Variants in ST6GALNAC3 observed in about 807,000 individuals in gnomAD.
ST6GALNAC3 encodes the protein ST6 N-acetylgalactosaminide alpha-2,6-sialyltransferase 3, also known as alpha-N-acetylgalactosaminide alpha-2,6-sialyltransferase 3.
Under a neutral mutation model 32.7 loss-of-function variants are expected in ST6GALNAC3, and 25 were observed. That is an observed-to-expected ratio of 0.76 (90% confidence interval 0.56 to 1.07). ST6GALNAC3 has a LOEUF of 1.07. Among genes scored for constraint, ST6GALNAC3 ranks in the 50% least tolerant of loss-of-function variants. The probability of loss-of-function intolerance (pLI) is 0.00; values close to 1 mark genes in which losing one functional copy is unlikely to be tolerated. For synonymous variants in ST6GALNAC3, 129 were observed against 133.1 expected, an observed-to-expected ratio of 0.97 and a Z score of 0.21; for missense variants, 355 against 382.4, an observed-to-expected ratio of 0.93 and a Z score of 0.60.
At chr1:76,519,582 G>A (rs1662384103) in intron 3 of ST6GALNAC3, among the ~76,000 whole-genome samples, 1 of 152,046 alleles carries the variant, frequency 6.6e-6, no homozygotes, top group Non-Finnish European at 1.5e-5. Flanking sequence ...AGTGATTAGT[G>A]CAGCTCTACA....
At chr1:76,346,443 G>A (rs538314987) in intron 2 of ST6GALNAC3, among the ~76,000 whole-genome samples, 3 of 152,306 alleles carry the variant, frequency 2.0e-5, no homozygotes, top group African/African-American at 7.2e-5. Flanking sequence ...ATGCCTTTCT[G>A]TGCTCAGTCA....
chr1:76,382,163 T>A (rs1651759846), intron 2 of ST6GALNAC3, among the ~76,000 whole-genome samples: 1 of 152,084 alleles, frequency 6.6e-6, no homozygotes, highest in Non-Finnish European at 1.5e-5. Flanking sequence ...AAAAGTGGAA[T>A]CCTCTATGTA....
intron 1 of ST6GALNAC3, among the ~76,000 whole-genome samples, chr1:76,180,681 G>A (rs929139843): frequency 6.6e-6 from 1 of 152,184 alleles, no homozygotes; most frequent in Admixed American, 6.5e-5. Flanking sequence ...AAGGAGAGAA[G>A]AGAAAGAGCG....
chr1:76,400,341 A>G (rs1347874802), intron 2 of ST6GALNAC3, among the ~76,000 whole-genome samples: 1 of 152,212 alleles, frequency 6.6e-6, no homozygotes, highest in Non-Finnish European at 1.5e-5. Context: ...ATTGCAAATT[A>G]CATTAATTTA....
intron 1 of ST6GALNAC3, among the ~76,000 whole-genome samples, chr1:76,290,551 C>T (rs1660026687): frequency 6.6e-6 from 1 of 152,266 alleles, no homozygotes; most frequent in African/African-American, 2.4e-5. Flanking sequence ...TCTACAGCTG[C>T]TCATTGAGGC....
intron 3 of ST6GALNAC3, among the ~76,000 whole-genome samples, chr1:76,507,674 T>C (rs990602366): frequency 2.6e-5 from 4 of 152,244 alleles, no homozygotes; most frequent in African/African-American, 9.6e-5. Flanking sequence ...TATCCACTCA[T>C]CCTCTGACAG....
chr1:76,618,834 C>A (rs957110908), intron 3 of ST6GALNAC3, among the ~76,000 whole-genome samples: 10 of 152,126 alleles, frequency 6.6e-5, no homozygotes, highest in African/African-American at 2.4e-4. Context: ...GCATATTATA[C>A]CTATCACAGC....
In ST6GALNAC3 at chr1:76,412,211, C is replaced by G. The variant is rs200833098; in HGVS notation, c.417C>G (p.Asn139Lys). 46 of 1,613,638 alleles carry G rather than the reference C, an allele frequency of 2.9e-5. No homozygotes were observed. The African/African-American group carries it at 5.1e-4, about 18-fold the overall frequency. ...SHTSVPLLLK[N>K]PDYFFKEANT... is the part of the protein sequence containing the mutation. The stretch of plus-strand genomic sequence containing the variant: ...CCAGCGTTCCTCTTTTGCTAAAAAA[C>G]CCTGATTATTTTTTCAAGGAAGCGA... The change falls in exon 3 of 5, where the codon AAC (asparagine) becomes AAG (lysine). Residue 139 changes from asparagine to lysine, a missense_variant. Coordinates refer to ENST00000328299, the MANE Select transcript of ST6GALNAC3 (RefSeq NM_152996.4).
chr1:76,575,320 C>T lies in ST6GALNAC3; in HGVS notation c.624-52132C>T, dbSNP rs1646784660. 3.3e-5 allele frequency among the ~76,000 whole-genome samples: 5 copies of T among 152,190 alleles called. No homozygotes were observed. In the South Asian group the frequency reaches 8.3e-4, roughly 25 times the overall value. ...TTCAATGGAACCTGAAAGCTGGTGT[C>T]CTATCCTCTTATGCCCTTGGTGGCC... On this transcript the variant is annotated intron_variant, in intron 3 of 4. Coordinates refer to ENST00000328299, the MANE Select transcript of ST6GALNAC3 (RefSeq NM_152996.4).
At chr1:76,572,853 C>A (rs750672419) in intron 3 of ST6GALNAC3, among the ~76,000 whole-genome samples, 1 of 152,078 alleles carries the variant, frequency 6.6e-6, no homozygotes, top group Non-Finnish European at 1.5e-5. Context: ...AGTCTCACAG[C>A]TTGGCAAGGA....
chr1:76,243,932 C>T (rs1216596857), intron 1 of ST6GALNAC3, among the ~76,000 whole-genome samples: 1 of 152,126 alleles, frequency 6.6e-6, no homozygotes, highest in Non-Finnish European at 1.5e-5. Flanking sequence ...GCTATACAGG[C>T]TCCTTTTTGT....
At chr1:76,197,797 C>T (rs907887292) in intron 1 of ST6GALNAC3, among the ~76,000 whole-genome samples, 2 of 152,052 alleles carry the variant, frequency 1.3e-5, no homozygotes, top group Non-Finnish European at 1.5e-5. Context: ...ACATTTTGGG[C>T]TGGATAATTC....
chr1:76,552,406 A>G (rs1228445704), intron 3 of ST6GALNAC3, among the ~76,000 whole-genome samples: 1 of 152,096 alleles, frequency 6.6e-6, no homozygotes, highest in Non-Finnish European at 1.5e-5. Context: ...TTTCTGCTGA[A>G]TTCCAGTGTC....
At chr1:76,298,126 C>T (rs1479536149) in intron 1 of ST6GALNAC3, among the ~76,000 whole-genome samples, 3 of 151,550 alleles carry the variant, frequency 2.0e-5, no homozygotes, top group Admixed American at 6.6e-5. Context: ...TATGAAGGGG[C>T]TTTTATAACA....
At position 76,156,967 on chromosome 1, in the gene ST6GALNAC3, G is replaced by A. The variant is rs543804649; in HGVS notation, c.18+82083G>A. ...AGGATGGTCTCAATCTTCTGACCTC[G>A]TGATCTGCCCGCCTTGGCCTCCCAA... On this transcript the variant is annotated intron_variant, in intron 1 of 4. Coordinates refer to ENST00000328299, the MANE Select transcript of ST6GALNAC3 (RefSeq NM_152996.4). 4.6e-5 allele frequency among the ~76,000 whole-genome samples: 7 copies of A among 152,282 alleles called. No homozygotes were observed. The East Asian group carries it at 9.7e-4, about 21-fold the overall frequency.
intron 2 of ST6GALNAC3, among the ~76,000 whole-genome samples, chr1:76,341,247 C>T (rs1180349141): frequency 6.6e-6 from 1 of 151,760 alleles, no homozygotes; most frequent in Admixed American, 6.6e-5. Flanking sequence ...CTAATGTCCC[C>T]ATCTTTGTGT....
chr1:76,436,280 T>C (rs4949719), intron 3 of ST6GALNAC3, among the ~76,000 whole-genome samples: 81,274 of 151,952 alleles, frequency 0.53, 23,220 homozygotes, highest in Admixed American at 0.63. Context: ...GGACAGCTGA[T>C]TGAGGATGGC....
intron 3 of ST6GALNAC3, among the ~76,000 whole-genome samples, chr1:76,536,092 T>C (rs315076): frequency 0.89 from 135,632 of 152,142 alleles, 60,680 homozygotes; most frequent in African/African-American, 0.97. Context: ...AAATAAGGAC[T>C]GGAGACTCCA....
intron 2 of ST6GALNAC3, among the ~76,000 whole-genome samples, chr1:76,326,826 G>GTTTTTTTTTTTT (rs11331532): frequency 2.6e-5 from 3 of 113,410 alleles, no homozygotes; most frequent in Non-Finnish European, 3.5e-5. Context: ...GAAGTTTTGG[G>GTTTTTTTTTTTT]TTTTTTTTTT....
Sources: gnomAD v4.1 joint callset for allele counts (sites outside exome capture counted in the v4.1 genomes callset) on GRCh38, gnomAD v4.1.1 for gene constraint, MANE v1.5 for transcripts, NCBI Gene and HGNC (gene_info 2026-07-23, HGNC 2026-07-21) for gene names.